Variants in EIF4B observed in about 807,000 individuals in gnomAD.
EIF4B encodes eukaryotic translation initiation factor 4B.
Under a neutral mutation model 79.3 loss-of-function variants are expected in EIF4B, and 8 were observed. The ratio of observed to expected loss-of-function variants is 0.10; its 90% CI spans 0.06 to 0.18. The LOEUF is 0.18. EIF4B is among the 10% of genes least tolerant of loss of function. The probability of loss-of-function intolerance (pLI) is 1.00; values close to 1 mark genes in which losing one functional copy is unlikely to be tolerated. For missense variants in EIF4B, 515 were observed against 792.4 expected (o/e 0.65, Z 4.20); for synonymous variants, 238 against 274.7 (o/e 0.87, Z 1.32).
intron 8 of EIF4B, among the ~76,000 whole-genome samples, chr12:53,030,413 C>T (rs372967918): frequency 0.022 from 935 of 42,954 alleles, no homozygotes; most frequent in Non-Finnish European, 0.037. Context: ...AAATTATATT[C>T]TTTTTTTTTT....
intron 1 of EIF4B, among the ~76,000 whole-genome samples, chr12:53,012,585 C>CT (rs796811272): frequency 6.1e-4 from 88 of 143,926 alleles, no homozygotes; most frequent in East Asian, 1.8e-3. Context: ...ACAGTAATTT[C>CT]TTTTTTTTTT....
intron 1 of EIF4B, among the ~76,000 whole-genome samples, chr12:53,012,512 C>T (rs1377695003): frequency 1.3e-5 from 2 of 151,448 alleles, no homozygotes; most frequent in African/African-American, 4.9e-5. Context: ...CGAGATTCCA[C>T]CATTGCACTC....
chr12:53,010,806 C>CAGGTGATCTTCCCACCTT (rs1212112018), intron 1 of EIF4B, among the ~76,000 whole-genome samples: 16 of 152,128 alleles, frequency 1.1e-4, no homozygotes, highest in Non-Finnish European at 1.8e-4. Flanking sequence ...CTCCCGACCT[C>CAGGTGATCTTCCCACCTT]AGGTGATCTT....
At chr12:53,034,790 A>G (rs974111903) in intron 10 of EIF4B, 81 bp downstream of exon 10, 16 of 1,472,332 alleles carry the variant, frequency 1.1e-5, no homozygotes, top group African/African-American at 1.4e-5. Flanking sequence ...AGACCCTGCA[A>G]TATTTAAATT....
rs774824568 is a variant in EIF4B, at chr12:53,022,571, C to G, written c.611C>G (p.Ala204Gly). Residue 204 changes from alanine (A) to glycine (G), a missense_variant, in exon 6 of 15, where the codon GCT becomes GGT. This residue lies in a region of EIF4B where 187 missense variants were observed against 256.5 expected (regional missense o/e 0.73). Coordinates refer to ENST00000262056, the MANE Select transcript of EIF4B (RefSeq NM_001417.7). Reference protein sequence around the residue: ...KTDTDWRARPATDSFDDYPPR... With the variant: ...KTDTDWRARPGTDSFDDYPPR... ...GATACAGACTGGAGGGCTCGTCCTG[C>G]TACAGACAGCTTTGATGACTACCCA... 5 of 1,613,796 alleles carry G rather than the reference C, an allele frequency of 3.1e-6. No homozygotes were observed. In the East Asian group the frequency reaches 1.1e-4, roughly 36 times the overall value.
At chr12:53,024,667 G>T (rs1943305038) in intron 6 of EIF4B, among the ~76,000 whole-genome samples, 1 of 152,052 alleles carries the variant, frequency 6.6e-6, no homozygotes, top group African/African-American at 2.4e-5. Context: ...GTTTTGTTTT[G>T]TTTTGTTTTG....
In EIF4B at chr12:53,037,851, C is replaced by T. The variant is rs969614558; in HGVS notation, c.1520+229C>T. ...AGCTATGATGGGAGTACTAATGCCG[C>T]ACAAATCTGCAAATACTGTAAGTCA... On this transcript the variant is annotated intron_variant, in intron 11 of 14. Transcript: ENST00000262056. 3 of 563,986 alleles carry T rather than the reference C, an allele frequency of 5.3e-6. No homozygotes were observed. In the African/African-American group the frequency reaches 5.7e-5, roughly 11 times the overall value. The allele number at this position is 563,986 out of a possible 1,614,324, so 34.9% of individuals were successfully genotyped here. A position where few individuals can be genotyped will look rare whatever the true frequency, so the allele number is the denominator to read the frequency against.
At position 53,020,907 on chromosome 12, in the gene EIF4B, G is replaced by A. The variant is rs60399057; in HGVS notation, c.477+881G>A. Among the ~76,000 whole-genome samples the A allele has an allele frequency of 7.4e-3, 1,131 of 152,058 alleles. 13 individuals are homozygous for A. The highest frequency in any genetic ancestry group is 0.025 in the African/African-American group (1,044 of 41,478). ...ACTGGTCTCTAACTTTACTCAGTCT[G>A]GATAAGAAAAAGAATACCATGCAAT... On this transcript the variant is annotated intron_variant, in intron 4 of 14. Coordinates refer to ENST00000262056, the MANE Select transcript of EIF4B (RefSeq NM_001417.7).
chr12:53,039,777 T>G (rs770127504), intron 14 of EIF4B, 75 bp downstream of exon 14: 19 of 1,485,378 alleles, frequency 1.3e-5, no homozygotes, highest in Admixed American at 2.3e-5. Context: ...TTACTAAGAA[T>G]TAAAAATTCT....
chr12:53,030,071 A>G (rs1227364580), intron 8 of EIF4B, among the ~76,000 whole-genome samples: 2 of 82,704 alleles, frequency 2.4e-5, no homozygotes, highest in Non-Finnish European at 6.1e-5. Context: ...AAAATACAAA[A>G]GTTAGCTGAG....
chr12:53,019,061 G>C, intron 3 of EIF4B, 55 bp downstream of exon 3: 1 of 1,572,198 alleles, frequency 6.4e-7, no homozygotes, highest in Non-Finnish European at 8.7e-7. Flanking sequence ...GTCTAAAAAA[G>C]ACTAATTGTG....
chr12:53,012,019 C>T (rs1351361215), intron 1 of EIF4B: 1 of 152,148 alleles, frequency 6.6e-6, no homozygotes, highest in Non-Finnish European at 1.5e-5. Flanking sequence ...GAAATCTAAA[C>T]ATGTAATGGG....
intron 3 of EIF4B, 23 bp from the exon 4 acceptor site, chr12:53,019,887 G>A (rs1943220510): frequency 6.2e-7 from 1 of 1,601,170 alleles, no homozygotes; most frequent in Non-Finnish European, 8.5e-7. Flanking sequence ...GGGAAACTTT[G>A]TTGTTGATTC....
At chr12:53,032,559 C>A (rs889616480) in intron 8 of EIF4B, among the ~76,000 whole-genome samples, 5 of 151,968 alleles carry the variant, frequency 3.3e-5, no homozygotes. Flanking sequence ...TAAAAGAAGT[C>A]TTGATAGATT....
chr12:53,031,924 T>C (rs1330337760), intron 8 of EIF4B, among the ~76,000 whole-genome samples: 1 of 152,234 alleles, frequency 6.6e-6, no homozygotes. Context: ...GCTTTCTTTA[T>C]ATTCTCTGTA....
rs1216629559 is a variant in EIF4B at position 53,034,048 on chromosome 12, A to G, written c.1208+14A>G. The G allele has an allele frequency of 5.6e-6, 9 of 1,598,684 alleles. No individual in the cohort carries two copies. The highest frequency in any genetic ancestry group is 7.7e-6 in the Non-Finnish European group (9 of 1,171,934). On this transcript the variant is annotated intron_variant, in intron 9 of 14. Coordinates refer to ENST00000262056, the MANE Select transcript of EIF4B (RefSeq NM_001417.7). ...GCCTCGGGAGAGGTGTGTTGTCTTG[A>G]TGGATATCCCATCTAGGAATCCGGT...
At chr12:53,007,430 T>TTC (rs1203580713) in intron 1 of EIF4B, among the ~76,000 whole-genome samples, 2 of 144,596 alleles carry the variant, frequency 1.4e-5, no homozygotes, top group Non-Finnish European at 3.0e-5. Flanking sequence ...CTTTTTTTTT[T>TTC]TTTTTTTTTT....
chr12:53,024,783 G>A (rs1474859987), intron 6 of EIF4B, among the ~76,000 whole-genome samples: 1 of 152,138 alleles, frequency 6.6e-6, no homozygotes, highest in Non-Finnish European at 1.5e-5. Context: ...AGCCTCCTGA[G>A]TAGCTGGGAT....
chr12:53,031,888 C>T (rs931653075), intron 8 of EIF4B, among the ~76,000 whole-genome samples: 8 of 152,184 alleles, frequency 5.3e-5, no homozygotes, highest in African/African-American at 1.9e-4. Flanking sequence ...GGTTACATTA[C>T]TTAAGCCAGG....
Sources: gnomAD v4.1 joint callset for allele counts (sites outside exome capture counted in the v4.1 genomes callset) on GRCh38, gnomAD v4.1.1 for gene constraint, gnomAD v4.1.1 regional missense constraint, MANE v1.5 for transcripts, NCBI Gene and HGNC (gene_info 2026-07-23, HGNC 2026-07-21) for gene names.